The following ZNF827 variants were observed in gnomAD, a reference collection of about 807,000 sequenced individuals.
The protein encoded by ZNF827 is zinc finger protein 827.
In ZNF827, 13 loss-of-function variants were observed where a neutral mutation model predicts 102.4. The observed-to-expected ratio is 0.13, with a 90% CI of 0.08 to 0.20. The LOEUF (loss-of-function observed/expected upper bound fraction) is 0.20, where lower values mean the gene tolerates loss of function less well. Among genes scored for constraint, ZNF827 ranks in the 10% least tolerant of loss-of-function variants. The probability of loss-of-function intolerance (pLI) is 1.00; values close to 1 mark genes in which losing one functional copy is unlikely to be tolerated. For missense variants in ZNF827, 1,103 were observed against 1,344.4 expected (o/e 0.82, Z 2.81); for synonymous variants, 523 against 536.2 (o/e 0.98, Z 0.34).
chr4:145,844,019 A>G (rs1292274267), intron 7 of ZNF827, among the ~76,000 whole-genome samples: 1 of 152,178 alleles, frequency 6.6e-6, no homozygotes, highest in Admixed American at 6.5e-5. Flanking sequence ...TAACACTTCA[A>G]GAATCCTATG....
chr4:145,830,878 G>A (rs1744145267), intron 7 of ZNF827: 1 of 152,116 alleles, frequency 6.6e-6, no homozygotes, highest in Admixed American at 6.6e-5. Context: ...GACCATGTGT[G>A]GTCTTCCTAA....
In ZNF827 at chr4:145,765,206, C is replaced by T. The variant is rs1054980380; in HGVS notation, c.3053-41G>A. Reference sequence around the variant, plus strand: ...CTGGGTATAGAGGTGCACAGGGCAGCGGGGAGAGGAGGGCAGGAGTGGAGC... The same window carrying T: ...CTGGGTATAGAGGTGCACAGGGCAGTGGGGAGAGGAGGGCAGGAGTGGAGC... On this transcript the variant is annotated intron_variant, in intron 12 of 14. Transcript: ENST00000508784. The surrounding 1 kb of genome is among the most constrained non-coding windows in gnomAD (Gnocchi z 4.7). 4.5e-5 allele frequency: 70 copies of T among 1,543,988 alleles called. No individual in the cohort carries two copies. The highest frequency in any genetic ancestry group is 1.3e-4 in the South Asian group (10 of 79,438).
At chr4:145,876,256 A>G (rs72954691) in intron 4 of ZNF827, among the ~76,000 whole-genome samples, 2,359 of 152,220 alleles carry the variant, frequency 0.015, 56 homozygotes, top group African/African-American at 0.054. Context: ...ATCTGCTGGG[A>G]GCAGTTGGGG....
chr4:145,762,961 G>A lies in ZNF827; in HGVS notation c.*17+129C>T, dbSNP rs577181414. The A allele has an allele frequency of 2.2e-5, 19 of 844,948 alleles. No individual in the cohort carries two copies. The highest frequency in any genetic ancestry group is 1.0e-4 in the African/African-American group (6 of 58,836). 52.3% of individuals were successfully genotyped at this position (844,948 alleles called of 1,614,324 possible). On this transcript the variant is annotated intron_variant, in intron 14 of 14. Coordinates refer to ENST00000508784, the MANE Select transcript of ZNF827 (RefSeq NM_001306215.2). The surrounding 1 kb of genome is among the most constrained non-coding windows in gnomAD (Gnocchi z 4.9). ...CAACACAACCAAGTGCACCGTGCAC[G>A]GCCTCCTCAGCGCCAAGCTCGCCGT... is the stretch of plus-strand genomic sequence containing the variant.
chr4:145,837,931 G>A (rs966721700), intron 7 of ZNF827, among the ~76,000 whole-genome samples: 5 of 151,994 alleles, frequency 3.3e-5, no homozygotes, highest in East Asian at 1.9e-4. Context: ...CCCTAATCCC[G>A]CTTGAAGCAG....
At chr4:145,885,568 C>T (rs1750034304) in intron 4 of ZNF827, 110 bp downstream of exon 4, 1 of 1,427,118 alleles carries the variant, frequency 7.0e-7, no homozygotes, top group Non-Finnish European at 9.2e-7. Context: ...TCATCTAGTT[C>T]TACCAGCTTA....
intron 1 of ZNF827, among the ~76,000 whole-genome samples, chr4:145,904,296 C>T (rs1481756929): frequency 6.6e-6 from 1 of 152,224 alleles, no homozygotes; most frequent in East Asian, 1.9e-4. Context: ...AACTAAGATC[C>T]TGCCTTCTTG....
At chr4:145,898,147 G>A (rs998050542) in intron 2 of ZNF827, among the ~76,000 whole-genome samples, 2 of 152,140 alleles carry the variant, frequency 1.3e-5, no homozygotes, top group African/African-American at 4.8e-5. Context: ...AGAGCCAGAC[G>A]CTGTCACAAA....
At chr4:145,910,250 G>T (rs1314668679) in intron 1 of ZNF827, among the ~76,000 whole-genome samples, 2 of 152,074 alleles carry the variant, frequency 1.3e-5, no homozygotes, top group African/African-American at 4.8e-5. Context: ...ACAAATGAAC[G>T]CATCACTCCT....
In ZNF827 at chr4:145,760,742, T is replaced by G. The variant is rs1340999741; in HGVS notation, c.*874A>C. 2 of 1,031,418 alleles carry G rather than the reference T, an allele frequency of 1.9e-6. No individual in the cohort carries two copies. Among genetic ancestry groups the G allele is most frequent in the African/African-American group, 3.4e-5 (2 of 58,252 alleles). The allele number at this position is 1,031,418 out of a possible 1,614,324, so 63.9% of individuals were successfully genotyped here. ...GTGGTTTTTTTTTTTTTTTTTGTCT[T>G]TTGTCTCTCTGTTTTTGGTACAGAA... On this transcript the variant is annotated 3_prime_UTR_variant, in exon 15 of 15. Coordinates refer to ENST00000508784, the MANE Select transcript of ZNF827 (RefSeq NM_001306215.2).
intron 4 of ZNF827, among the ~76,000 whole-genome samples, chr4:145,877,311 A>T (rs1437764185): frequency 6.6e-6 from 1 of 152,196 alleles, no homozygotes; most frequent in African/African-American, 2.4e-5. Flanking sequence ...ATGTATGAAC[A>T]GGTTGGGGAT....
intron 7 of ZNF827, among the ~76,000 whole-genome samples, chr4:145,824,563 C>G (rs116036500): frequency 6.6e-6 from 1 of 152,082 alleles, no homozygotes; most frequent in Non-Finnish European, 1.5e-5. Flanking sequence ...TCATGGGAGC[C>G]GAAGCACCAG....
intron 8 of ZNF827, among the ~76,000 whole-genome samples, chr4:145,795,246 C>T (rs976627945): frequency 4.6e-5 from 7 of 152,214 alleles, no homozygotes; most frequent in Admixed American, 2.0e-4. Context: ...CCACCGGGTT[C>T]AAGTGATTCT....
rs755164261 is a variant in ZNF827, at chr4:145,902,575, G to A, written c.684C>T (p.Leu228=). The A allele has an allele frequency of 1.9e-6, 3 of 1,614,090 alleles. No homozygotes were observed. Among genetic ancestry groups the A allele is most frequent in the Admixed American group, 1.7e-5 (1 of 60,036 alleles). ...ATCGCATGGTCTCCTCAGTCCTGGTGAGAGATTTGTCCTGCAGAACGGCAT... is the reference window on the plus strand; with the variant it reads ...ATCGCATGGTCTCCTCAGTCCTGGTAAGAGATTTGTCCTGCAGAACGGCAT... The part of the protein sequence containing the change: ...AANAVLQDKS[L]TRTEETMRFE... Residue 228 remains leucine (L), a synonymous_variant, in exon 2 of 15, where the codon CTC becomes CTT. Coordinates refer to ENST00000508784, the MANE Select transcript of ZNF827 (RefSeq NM_001306215.2). The surrounding 1 kb of genome is among the most constrained non-coding windows in gnomAD (Gnocchi z 4.3).
chr4:145,866,875 T>C (rs935624073), intron 5 of ZNF827, among the ~76,000 whole-genome samples: 1 of 152,194 alleles, frequency 6.6e-6, no homozygotes, highest in Non-Finnish European at 1.5e-5. Flanking sequence ...AGACAAAATT[T>C]TGTGTCATTT....
chr4:145,765,245 A>C lies in ZNF827; in HGVS notation c.3053-80T>G. 1 of 1,433,050 alleles carries C rather than the reference A, an allele frequency of 7.0e-7. No homozygotes were observed. Among genetic ancestry groups the C allele is most frequent in the East Asian group, 2.4e-5 (1 of 40,834 alleles). 88.8% of individuals were successfully genotyped at this position (1,433,050 alleles called of 1,614,324 possible). A position where few individuals can be genotyped will look rare whatever the true frequency, so the allele number is the denominator to read the frequency against. ...CAGGAGTGGAGCCAAGCTCCTCCCC[A>C]CTTCCTCCCGCCTCCTCCGACGCCT... On this transcript the variant is annotated intron_variant, in intron 12 of 14. Coordinates refer to ENST00000508784, the MANE Select transcript of ZNF827 (RefSeq NM_001306215.2). The surrounding 1 kb of genome is among the most constrained non-coding windows in gnomAD (Gnocchi z 4.7).
intron 8 of ZNF827, 44 bp from the exon 9 acceptor site, chr4:145,779,555 A>T: frequency 6.3e-7 from 1 of 1,596,792 alleles, no homozygotes; most frequent in African/African-American, 1.3e-5. Context: ...AGGCAACAAG[A>T]ATACATTTTC....
chr4:145,764,328 G>A (rs1322395406), intron 13 of ZNF827, among the ~76,000 whole-genome samples: 1 of 152,124 alleles, frequency 6.6e-6, no homozygotes, highest in Admixed American at 6.5e-5. Flanking sequence ...TTTTATTCCT[G>A]TGTGCCTGTT....
chr4:145,852,858 C>T (rs544127486), intron 5 of ZNF827, among the ~76,000 whole-genome samples: 2 of 152,126 alleles, frequency 1.3e-5, no homozygotes, highest in Non-Finnish European at 2.9e-5. Flanking sequence ...GTCTCAAATT[C>T]CTGGCCTCAA....
Sources: allele counts gnomAD v4.1 joint callset (sites outside exome capture counted in the v4.1 genomes callset), GRCh38; gene constraint gnomAD v4.1.1; non-coding constraint Gnocchi (gnomAD v3.1); transcripts MANE v1.5; gene names NCBI Gene and HGNC (gene_info 2026-07-23, HGNC 2026-07-21).